The following SLAMF7 variants were observed in gnomAD, a reference collection of about 807,000 sequenced individuals.
SLAMF7 encodes the protein 19A24 protein.
A neutral mutation model predicts 34.1 loss-of-function variants in SLAMF7; 26 were observed. That is an observed-to-expected ratio of 0.76 (90% CI 0.56 to 1.06). SLAMF7 has a LOEUF of 1.06. Among genes scored for constraint, SLAMF7 ranks in the 50% least tolerant of loss-of-function variants. The probability of loss-of-function intolerance (pLI) is 0.00; values close to 1 mark genes in which losing one functional copy is unlikely to be tolerated. For synonymous variants in SLAMF7, 171 were observed against 156.4 expected (o/e 1.09, Z -0.70); for missense variants, 399 against 402.5 (o/e 0.99, Z 0.07).
chr1:160,742,015 C>T (rs749424995), intron 1 of SLAMF7, among the ~76,000 whole-genome samples: 7 of 151,966 alleles, frequency 4.6e-5, no homozygotes, highest in Non-Finnish European at 7.4e-5. Flanking sequence ...TGCTTGGGGA[C>T]GGGGTTGGCA....
intron 1 of SLAMF7, chr1:160,739,764 T>C (rs1663582252): frequency 6.2e-6 from 1 of 160,398 alleles, no homozygotes; most frequent in African/African-American, 2.4e-5. Context: ...TGTATTTATT[T>C]ACTTATAAAT....
chr1:160,750,579 T>G (rs1664490699), intron 4 of SLAMF7, 156 bp downstream of exon 4: 6 of 854,246 alleles, frequency 7.0e-6, no homozygotes, highest in Non-Finnish European at 1.1e-5. Context: ...AAGCATACAG[T>G]CAGCCTGTGC....
intron 2 of SLAMF7, 87 bp from the exon 3 acceptor site, chr1:160,749,734 G>T: frequency 1.7e-6 from 2 of 1,210,440 alleles, no homozygotes; most frequent in Admixed American, 2.3e-5. Context: ...CTCCCAGGGA[G>T]ATTCAGGTCC....
At chr1:160,752,149 G>A (rs778427950) in intron 5 of SLAMF7, 37 bp from the exon 6 acceptor site, 1 of 1,538,352 alleles carries the variant, frequency 6.5e-7, no homozygotes, top group East Asian at 2.3e-5. Flanking sequence ...CAGGAGGTGG[G>A]TGATGATTTC....
chr1:160,751,403 C>T lies in SLAMF7; in HGVS notation c.828C>T (p.Pro276=), dbSNP rs1664568109. 2 of 1,613,794 alleles carry T rather than the reference C, an allele frequency of 1.2e-6. No homozygotes were observed. The highest frequency in any genetic ancestry group is 2.2e-5 in the South Asian group (2 of 91,082). ...DICRETPNIC[P]HSGENTEYDT... ...GTCGGGAAACTCCTAACATATGCCC[C>T]CATTCTGGAGAGAACACAGAGTACG... The change falls in exon 5 of 7, where the codon CCC becomes CCT. Residue 276 remains proline (P), a synonymous_variant. Coordinates refer to ENST00000368043, the MANE Select transcript of SLAMF7 (RefSeq NM_021181.5).
At position 160,739,271 on chromosome 1, in the gene SLAMF7, T is replaced by A. The variant is rs776747789; in HGVS notation, c.-31T>A. 12 of 1,609,538 alleles carry A rather than the reference T, an allele frequency of 7.5e-6. No homozygotes were observed. In the South Asian group the frequency reaches 1.3e-4, roughly 18 times the overall value. ...AGTAATACCTAAGAGGGAAGTGGCT[T>A]CATTTCAGTGGCTGACTTCCAGAGA... On this transcript the variant is annotated 5_prime_UTR_variant, in exon 1 of 7. Transcript: ENST00000368043.
chr1:160,749,628 A>G (rs1664398235), intron 2 of SLAMF7, among the ~76,000 whole-genome samples, 193 bp from the exon 3 acceptor site: 1 of 152,218 alleles, frequency 6.6e-6, no homozygotes, highest in South Asian at 2.1e-4. Flanking sequence ...TGTTATTATT[A>G]TTATATAGCT....
chr1:160,745,484 CT>C (rs1306477974), intron 1 of SLAMF7, among the ~76,000 whole-genome samples: 1 of 152,170 alleles, frequency 6.6e-6, no homozygotes, highest in African/African-American at 2.4e-5. Flanking sequence ...CACCTGCTAG[CT>C]TTGTGCCCTT....
At chr1:160,739,485 T>C (rs1363162946) in intron 1 of SLAMF7, 129 bp downstream of exon 1, 3 of 759,278 alleles carry the variant, frequency 4.0e-6, no homozygotes, top group Admixed American at 2.7e-5. Flanking sequence ...ATTTGCTTTT[T>C]ATCAATCTCT....
rs116799422 is a variant in SLAMF7, at chr1:160,753,066, C to T, written c.937-40C>T. 1,289 of 1,584,402 alleles carry T rather than the reference C, an allele frequency of 8.1e-4. 17 individuals carry two copies. The African/African-American group carries it at 0.016, about 19-fold the overall frequency. ...TCTCCATGGACGATCCAGAGCCCTG[C>T]TCACCTCCCTCACTCTACTTTCTTT... On this transcript the variant is annotated intron_variant, in intron 6 of 6. Coordinates refer to ENST00000368043, the MANE Select transcript of SLAMF7 (RefSeq NM_021181.5).
chr1:160,746,062 A>T (rs771654610), intron 1 of SLAMF7, among the ~76,000 whole-genome samples: 1 of 152,228 alleles, frequency 6.6e-6, no homozygotes, highest in East Asian at 1.9e-4. Context: ...TGTGTCTAAG[A>T]GAGCAGGCTG....
intron 1 of SLAMF7, 188 bp downstream of exon 1, chr1:160,739,544 G>A: frequency 1.9e-6 from 1 of 539,930 alleles, no homozygotes; most frequent in Non-Finnish European, 3.3e-6. Context: ...GGGGAAAAAT[G>A]GCTCTGGGAA....
In SLAMF7 at chr1:160,748,457, A is replaced by T; in HGVS notation, c.319A>T (p.Ile107Leu). Residue 107 changes from isoleucine (I) to leucine (L), a missense_variant, in exon 2 of 7, where the codon ATA (isoleucine) becomes TTA (leucine). Transcript: ENST00000368043. Reference protein sequence around the residue: ...KNDSGIYYVGIYSSSLQQPST... With the variant: ...KNDSGIYYVGLYSSSLQQPST... ...TGACTCAGGGATCTACTATGTGGGG[A>T]TATACAGCTCATCACTCCAGCAGCC... The T allele has an allele frequency of 6.2e-7, 1 of 1,614,058 alleles. No homozygotes were observed. Among genetic ancestry groups the T allele is most frequent in the African/African-American group, 1.3e-5 (1 of 75,016 alleles).
intron 1 of SLAMF7, among the ~76,000 whole-genome samples, chr1:160,742,937 T>C (rs1007148686): frequency 2.0e-5 from 3 of 152,180 alleles, no homozygotes; most frequent in African/African-American, 4.8e-5. Flanking sequence ...GCTGGAGTTA[T>C]GACTACGGAG....
At position 160,739,267 on chromosome 1, in the gene SLAMF7, G is replaced by A; in HGVS notation, c.-35G>A. 6.2e-7 allele frequency: 1 copy of A among 1,600,714 alleles called. No homozygotes were observed. The highest frequency in any genetic ancestry group is 8.6e-7 in the Non-Finnish European group (1 of 1,167,888). ...TCTGAGTAATACCTAAGAGGGAAGT[G>A]GCTTCATTTCAGTGGCTGACTTCCA... is the stretch of plus-strand genomic sequence containing the variant. On this transcript the variant is annotated 5_prime_UTR_variant, in exon 1 of 7. Transcript: ENST00000368043.
intron 1 of SLAMF7, among the ~76,000 whole-genome samples, chr1:160,741,694 C>T (rs1663757008): frequency 6.6e-6 from 1 of 152,152 alleles, no homozygotes; most frequent in Non-Finnish European, 1.5e-5. Flanking sequence ...CTACGCTCAC[C>T]CCTTAAACCT....
At chr1:160,740,130 G>T (rs1428864354) in intron 1 of SLAMF7, among the ~76,000 whole-genome samples, 1 of 152,086 alleles carries the variant, frequency 6.6e-6, no homozygotes, top group African/African-American at 2.4e-5. Context: ...ATCTGCCCAA[G>T]ACCACGCAGG....
At chr1:160,744,287 A>G (rs564532691) in intron 1 of SLAMF7, among the ~76,000 whole-genome samples, 49 of 152,318 alleles carry the variant, frequency 3.2e-4, no homozygotes, top group African/African-American at 1.2e-3. Flanking sequence ...CCCTTTTCGT[A>G]GTCAGCTGAG....
intron 2 of SLAMF7, 29 bp downstream of exon 2, chr1:160,748,543 G>A (rs760125504): frequency 6.3e-7 from 1 of 1,582,738 alleles, no homozygotes; most frequent in Non-Finnish European, 8.6e-7. Context: ...AATGGTGGAT[G>A]GCTGCCTTGG....
Sources: gnomAD v4.1 joint callset for allele counts (sites outside exome capture counted in the v4.1 genomes callset) on GRCh38, gnomAD v4.1.1 for gene constraint, MANE v1.5 for transcripts, NCBI Gene and HGNC (gene_info 2026-07-23, HGNC 2026-07-21) for gene names.